CHD6: variants seen among roughly 807,000 people sequenced by gnomAD.
CHD6 encodes ATP-dependent chromatin remodeler CHD6.
Under a neutral mutation model 276.9 loss-of-function variants are expected in CHD6, and 50 were observed. That is an observed-to-expected ratio of 0.18 (90% CI 0.14 to 0.23). CHD6 has a LOEUF of 0.23. Among genes scored for constraint, CHD6 ranks in the 10% least tolerant of loss-of-function variants. The pLI is 1.00. For missense variants in CHD6, 2,564 were observed against 3,365.8 expected, an observed-to-expected ratio of 0.76 and a Z score of 5.89; for synonymous variants, 1,173 against 1,229.3, an observed-to-expected ratio of 0.95 and a Z score of 0.96.
chr20:41,552,385 ATAGAGCTTTTAAGAT>A (rs1347287196), intron 1 of CHD6, among the ~76,000 whole-genome samples: 1 of 152,224 alleles, frequency 6.6e-6, no homozygotes, highest in African/African-American at 2.4e-5. Flanking sequence ...TTAAGTCTTA[ATAGAGCTTTTAAGAT>A]TAGAGCTTTA....
chr20:41,474,379 G>A (rs2043125524), intron 16 of CHD6, among the ~76,000 whole-genome samples: 11 of 152,114 alleles, frequency 7.2e-5, no homozygotes, highest in Admixed American at 6.5e-4. Flanking sequence ...CTTTACGTTG[G>A]AGATCATGGG....
intron 1 of CHD6, among the ~76,000 whole-genome samples, chr20:41,562,687 AGAC>A (rs1028420403): frequency 4.1e-4 from 62 of 152,350 alleles, no homozygotes; most frequent in Non-Finnish European, 4.9e-4. Flanking sequence ...CTTAAACTCA[AGAC>A]GACATGTCAA....
intron 1 of CHD6, among the ~76,000 whole-genome samples, chr20:41,593,202 A>AC (rs1203578006): frequency 1.7e-5 from 2 of 117,592 alleles, no homozygotes; most frequent in African/African-American, 2.9e-5. Flanking sequence ...CCAATCAAAA[A>AC]GGGGGGGGGG....
intron 5 of CHD6, among the ~76,000 whole-genome samples, chr20:41,509,487 C>T (rs982793724): frequency 2.6e-5 from 4 of 152,114 alleles, no homozygotes; most frequent in African/African-American, 4.8e-5. Flanking sequence ...ATCCCCAGCT[C>T]GGAGGAGCAA....
chr20:41,521,849 A>G (rs1480485748), intron 3 of CHD6, among the ~76,000 whole-genome samples: 1 of 152,254 alleles, frequency 6.6e-6, no homozygotes, highest in Non-Finnish European at 1.5e-5. Context: ...CAAATAAGTT[A>G]GCTTGAAGAG....
At chr20:41,431,840 T>C (rs1184354715) in intron 27 of CHD6, among the ~76,000 whole-genome samples, 5 of 138,072 alleles carry the variant, frequency 3.6e-5, no homozygotes, top group African/African-American at 1.4e-4. Flanking sequence ...TACCCGGAAA[T>C]GGCAGAGGCA....
chr20:41,470,741 G>A (rs2043033882), intron 17 of CHD6, among the ~76,000 whole-genome samples: 1 of 152,216 alleles, frequency 6.6e-6, no homozygotes, highest in Non-Finnish European at 1.5e-5. Flanking sequence ...AGATGACTTT[G>A]CCTTCTCCAC....
At chr20:41,468,624 G>A (rs1177343236) in intron 17 of CHD6, among the ~76,000 whole-genome samples, 2 of 152,196 alleles carry the variant, frequency 1.3e-5, no homozygotes, top group African/African-American at 4.8e-5. Flanking sequence ...ACATAGTATA[G>A]TATTTGTGTA....
At chr20:41,494,891 T>C (rs144151373) in intron 8 of CHD6, among the ~76,000 whole-genome samples, 26 of 152,300 alleles carry the variant, frequency 1.7e-4, no homozygotes, top group African/African-American at 6.3e-4. Context: ...TCTTTAGGAG[T>C]AGCATCATGA....
intron 1 of CHD6, among the ~76,000 whole-genome samples, chr20:41,567,099 T>C (rs2045363599): frequency 6.6e-6 from 1 of 152,158 alleles, no homozygotes; most frequent in Admixed American, 6.5e-5. Flanking sequence ...TGTTGGATGT[T>C]GTCATCTCTT....
At chr20:41,514,062 C>G (rs1048225858) in intron 4 of CHD6, among the ~76,000 whole-genome samples, 2 of 152,164 alleles carry the variant, frequency 1.3e-5, no homozygotes, top group Non-Finnish European at 2.9e-5. Context: ...GCTCTGACAC[C>G]AGACACTGCT....
intron 3 of CHD6, among the ~76,000 whole-genome samples, chr20:41,532,125 T>C (rs1568681260): frequency 6.6e-6 from 1 of 152,196 alleles, no homozygotes; most frequent in Non-Finnish European, 1.5e-5. Flanking sequence ...TGATGACAGA[T>C]ACGGAATTCC....
At chr20:41,546,318 AC>A (rs2045040979) in intron 2 of CHD6, among the ~76,000 whole-genome samples, 1 of 151,686 alleles carries the variant, frequency 6.6e-6, no homozygotes, top group African/African-American at 2.4e-5. Flanking sequence ...TGCTTACCCA[AC>A]TCTTGGCATG....
chr20:41,454,740 T>G lies in CHD6; in HGVS notation c.3010-4A>C. On this transcript the variant is annotated splice_polypyrimidine_tract_variant and splice_region_variant and intron_variant, in intron 19 of 36. Coordinates refer to ENST00000373233, the MANE Select transcript of CHD6 (RefSeq NM_032221.5). ...TTCCTGAAGCCACAAAGCTAGCCTG[T>G]GAAGAAGACAAGAATTAATAAACTG... 6.2e-7 allele frequency: 1 copy of G among 1,603,554 alleles called. No homozygotes were observed. The highest frequency in any genetic ancestry group is 8.5e-7 in the Non-Finnish European group (1 of 1,172,572).
intron 20 of CHD6, 141 bp from the exon 21 acceptor site, chr20:41,453,083 C>A: frequency 1.5e-6 from 1 of 653,032 alleles, no homozygotes; most frequent in Non-Finnish European, 2.7e-6. Flanking sequence ...TCCCAGCACA[C>A]CTGCTGTCTC....
chr20:41,440,301 A>G (rs1263423254), intron 25 of CHD6, among the ~76,000 whole-genome samples, 172 bp from the exon 26 acceptor site: 1 of 152,256 alleles, frequency 6.6e-6, no homozygotes. Context: ...TCCTGGTGCT[A>G]AAGCGGACAC....
intron 12 of CHD6, among the ~76,000 whole-genome samples, chr20:41,489,010 C>T (rs1372628866): frequency 6.6e-6 from 1 of 152,172 alleles, no homozygotes; most frequent in African/African-American, 2.4e-5. Context: ...TTAATTTCAC[C>T]TTATAATTTG....
chr20:41,471,285 T>C (rs1226547681), intron 17 of CHD6, among the ~76,000 whole-genome samples: 1 of 152,210 alleles, frequency 6.6e-6, no homozygotes, highest in African/African-American at 2.4e-5. Context: ...ATCTGTATAA[T>C]TGTCGTAAGT....
At chr20:41,510,725 T>G (rs2145954406) in intron 5 of CHD6, among the ~76,000 whole-genome samples, 1 of 152,312 alleles carries the variant, frequency 6.6e-6, no homozygotes, top group South Asian at 2.1e-4. Context: ...TGAAATATGA[T>G]TAATGGCTTA....
Sources: allele counts gnomAD v4.1 joint callset (sites outside exome capture counted in the v4.1 genomes callset), GRCh38; gene constraint gnomAD v4.1.1; transcripts MANE v1.5; gene names NCBI Gene and HGNC (gene_info 2026-07-23, HGNC 2026-07-21).